The following LEPR variants were observed in gnomAD, a reference collection of about 807,000 sequenced individuals.
LEPR encodes the protein leptin receptor, also known as OB receptor.
Under a neutral mutation model 114.7 loss-of-function variants are expected in LEPR, and 56 were observed. The ratio of observed to expected loss-of-function variants is 0.49; its 90% CI spans 0.39 to 0.61. LEPR has a LOEUF of 0.61. Among genes scored for constraint, LEPR ranks in the 20% least tolerant of loss-of-function variants. The probability of loss-of-function intolerance (pLI) is 0.00; values close to 1 mark genes in which losing one functional copy is unlikely to be tolerated. For missense variants in LEPR, 1,202 were observed against 1,352.9 expected (o/e 0.89, Z 1.75); for synonymous variants, 443 against 461.4 (o/e 0.96, Z 0.51).
At chr1:65,448,418 A>G (rs767830496) in intron 2 of LEPR, among the ~76,000 whole-genome samples, 14 of 152,200 alleles carry the variant, frequency 9.2e-5, no homozygotes, top group Admixed American at 3.3e-4. Context: ...GTTAGATTCA[A>G]TTTGCTAATA....
At chr1:65,488,190 TTC>T (rs1322378268) in intron 2 of LEPR, among the ~76,000 whole-genome samples, 1 of 21,958 alleles carries the variant, frequency 4.6e-5, no homozygotes, top group Non-Finnish European at 9.8e-5. Context: ...CTTTCTTTCT[TTC>T]TTTCTTTCTT....
intron 2 of LEPR, among the ~76,000 whole-genome samples, chr1:65,555,729 A>T (rs1435660713): frequency 1.3e-5 from 2 of 152,148 alleles, no homozygotes; most frequent in Non-Finnish European, 2.9e-5. Context: ...TTCTGCCATG[A>T]TAGAGAACTT....
intron 2 of LEPR, among the ~76,000 whole-genome samples, chr1:65,438,080 G>A (rs1646589713): frequency 6.9e-6 from 1 of 144,140 alleles, no homozygotes; most frequent in Admixed American, 7.2e-5. Context: ...CAAAATGCTG[G>A]GATTACTGGT....
chr1:65,490,178 C>A (rs1339551093), intron 2 of LEPR, among the ~76,000 whole-genome samples: 2 of 152,096 alleles, frequency 1.3e-5, no homozygotes, highest in African/African-American at 2.4e-5. Flanking sequence ...CAGTCCCTGG[C>A]ACCTAGTAAA....
At chr1:65,554,649 T>C (rs1254526859) in intron 2 of LEPR, among the ~76,000 whole-genome samples, 2 of 152,048 alleles carry the variant, frequency 1.3e-5, no homozygotes, top group Non-Finnish European at 2.9e-5. Context: ...CTGGGCTCCA[T>C]GGGGGTGGTA....
At chr1:65,604,808 C>T (rs367651149) in intron 10 of LEPR, among the ~76,000 whole-genome samples, 2 of 152,142 alleles carry the variant, frequency 1.3e-5, no homozygotes, top group Non-Finnish European at 2.9e-5. Flanking sequence ...ACTGGGCATG[C>T]GCTCCTCATG....
intron 2 of LEPR, chr1:65,525,837 T>A: frequency 1.0e-6 from 1 of 985,230 alleles, no homozygotes; most frequent in Non-Finnish European, 1.2e-6. Context: ...TGCTTCCCTC[T>A]CCGACACCCC....
At chr1:65,448,932 C>T (rs1039215147) in intron 2 of LEPR, among the ~76,000 whole-genome samples, 6 of 152,098 alleles carry the variant, frequency 3.9e-5, no homozygotes, top group Admixed American at 6.6e-5. Flanking sequence ...CTTGGTCTGT[C>T]GCCCAGGCTG....
intron 2 of LEPR, chr1:65,436,149 C>G: frequency 1.2e-6 from 1 of 814,310 alleles, no homozygotes; most frequent in Non-Finnish European, 1.5e-6. Flanking sequence ...CAGTTTGAAG[C>G]CTGTACTTGC....
chr1:65,443,523 T>G (rs3902062), intron 2 of LEPR, among the ~76,000 whole-genome samples: 19,444 of 151,264 alleles, frequency 0.13, 1,297 homozygotes, highest in South Asian at 0.21. Context: ...TTTCAAAAAT[T>G]TTTTGCTGGG....
At chr1:65,580,232 C>T (rs747642631) in intron 5 of LEPR, among the ~76,000 whole-genome samples, 2 of 152,088 alleles carry the variant, frequency 1.3e-5, no homozygotes, top group Non-Finnish European at 2.9e-5. Context: ...TTAAATAGGA[C>T]TCTAATTCAA....
chr1:65,540,605 A>G (rs977895779), intron 2 of LEPR, among the ~76,000 whole-genome samples: 2 of 152,126 alleles, frequency 1.3e-5, no homozygotes, highest in South Asian at 2.1e-4. Context: ...TGCTTCCTTT[A>G]TAGTCTACAG....
chr1:65,624,483 T>A (rs1457714676), intron 19 of LEPR, among the ~76,000 whole-genome samples: 1 of 152,144 alleles, frequency 6.6e-6, no homozygotes, highest in African/African-American at 2.4e-5. Context: ...GGCTTCTTTT[T>A]CTTTCTTTCT....
rs776211072 is a variant in LEPR, at chr1:65,570,678, A to C, written c.246A>C (p.Leu82Phe). 6.2e-7 allele frequency: 1 copy of C among 1,613,940 alleles called. No homozygotes were observed. Among genetic ancestry groups the C allele is most frequent in the South Asian group, 1.1e-5 (1 of 91,050 alleles). ...CAAGTGGTACTCACTTTTCTAACTT[A>C]TCCAAAACAACTTTCCACTGTTGCT... is the stretch of plus-strand genomic sequence containing the variant. ...FNSSGTHFSN[L>F]SKTTFHCCFR... is the part of the protein sequence containing the mutation. The change falls in exon 4 of 20, where the codon TTA becomes TTC. Residue 82 changes from leucine to phenylalanine, a missense_variant. Physicochemically the swap from Leu to Phe is conservative, Grantham distance 22. Transcript: ENST00000349533.
chr1:65,545,975 A>C (rs368615612), intron 2 of LEPR, among the ~76,000 whole-genome samples: 1 of 145,580 alleles, frequency 6.9e-6, no homozygotes, highest in Admixed American at 6.9e-5. Context: ...ATCTTGAATT[A>C]ATTTTTGTAT....
intron 5 of LEPR, among the ~76,000 whole-genome samples, chr1:65,586,166 A>G (rs1655302920): frequency 2.6e-5 from 4 of 152,114 alleles, no homozygotes; most frequent in Middle Eastern, 6.8e-3. Flanking sequence ...TGAATATTGA[A>G]CATGATGCAC....
chr1:65,495,511 C>T (rs938210929), intron 2 of LEPR, among the ~76,000 whole-genome samples: 2 of 151,950 alleles, frequency 1.3e-5, no homozygotes, highest in African/African-American at 4.8e-5. Flanking sequence ...AATATTAAAA[C>T]TGGAACTATC....
At chr1:65,539,250 GC>G (rs1651007935) in intron 2 of LEPR, among the ~76,000 whole-genome samples, 2 of 89,956 alleles carry the variant, frequency 2.2e-5, no homozygotes, top group South Asian at 6.1e-4. Context: ...ATTTGTTAAA[GC>G]TTTTTTTTTT....
intron 2 of LEPR, among the ~76,000 whole-genome samples, chr1:65,555,777 A>G (rs781334459): frequency 6.6e-6 from 1 of 152,188 alleles, no homozygotes; most frequent in Non-Finnish European, 1.5e-5. Context: ...TAGAGCCACA[A>G]TGATTTTCTA....
Sources: gnomAD v4.1 joint callset for allele counts (sites outside exome capture counted in the v4.1 genomes callset) on GRCh38, gnomAD v4.1.1 for gene constraint, MANE v1.5 for transcripts, NCBI Gene and HGNC (gene_info 2026-07-23, HGNC 2026-07-21) for gene names.